PAEP: variants seen among roughly 807,000 people sequenced by gnomAD.
PAEP encodes the protein glycodelin.
PAEP carries 28 observed loss-of-function variants against 23.0 expected under a neutral mutation model. The observed-to-expected ratio is 1.22, with a 90% CI of 0.90 to 1.67. The LOEUF (loss-of-function observed/expected upper bound fraction) is 1.67, where lower values mean the gene tolerates loss of function less well. PAEP is among the 40% of genes most tolerant of loss of function. The pLI is 0.00. For missense variants in PAEP, 209 were observed against 226.4 expected (o/e 0.92, Z 0.49); for synonymous variants, 103 against 92.4 (o/e 1.12, Z -0.66).
At position 135,564,911 on chromosome 9, in the gene PAEP, T is replaced by C. The variant is rs928249079; in HGVS notation, c.422-499T>C. On this transcript the variant is annotated intron_variant, in intron 4 of 6. Coordinates refer to ENST00000479141, the MANE Select transcript of PAEP (RefSeq NM_002571.4). ...CAAGGGGCTGGGCTTGGTGGATAGATTAATACTCACTGGGCGTCCAGTCAA... is the reference window on the plus strand; with the variant it reads ...CAAGGGGCTGGGCTTGGTGGATAGACTAATACTCACTGGGCGTCCAGTCAA... 3.3e-5 allele frequency: 32 copies of C among 979,608 alleles called. No individual in the cohort carries two copies. The Admixed American group carries it at 6.1e-4, about 19-fold the overall frequency. The allele number at this position is 979,608 out of a possible 1,614,324, so 60.7% of individuals were successfully genotyped here.
rs1007545533 is a variant in PAEP, at chr9:135,565,195, C to T, written c.422-215C>T. 4.1e-5 allele frequency: 24 copies of T among 580,456 alleles called. 1 individual carries two copies. The highest frequency in any genetic ancestry group is 2.1e-4 in the African/African-American group (11 of 53,354). The allele number at this position is 580,456 out of a possible 1,614,324, so 36.0% of individuals were successfully genotyped here. On this transcript the variant is annotated intron_variant, in intron 4 of 6. Transcript: ENST00000479141. The stretch of plus-strand genomic sequence containing the variant: ...CTGCCCAGAGCGGAGCAGAGGGGGC[C>T]GGGCCAAGGAGTGGGAGCTGGGGTC...
Position 135,562,329 on chromosome 9 carries a change from C to T in PAEP, c.132C>T (p.Thr44=), listed in dbSNP as rs1481061122. ...CCTGGCACTCCATGGCCATGGCGAC[C>T]AACAACATCTCCCTCATGGCGACAC... ...AGTWHSMAMA[T]NNISLMATLK... Residue 44 remains threonine, a synonymous_variant, in exon 2 of 7, where the codon ACC becomes ACT. Coordinates refer to ENST00000479141, the MANE Select transcript of PAEP (RefSeq NM_002571.4). 2 of 1,614,040 alleles carry T rather than the reference C, an allele frequency of 1.2e-6. No individual in the cohort carries two copies. The highest frequency in any genetic ancestry group is 1.1e-5 in the South Asian group (1 of 91,082).
chr9:135,564,538 C>T (rs1588174703), intron 4 of PAEP, 184 bp downstream of exon 4: 2 of 947,144 alleles, frequency 2.1e-6, no homozygotes, highest in East Asian at 1.2e-4. Flanking sequence ...GGGTCTCATT[C>T]TGTCACTCAG....
At chr9:135,563,444 A>G (rs1832423838) in intron 3 of PAEP, among the ~76,000 whole-genome samples, 1 of 142,510 alleles carries the variant, frequency 7.0e-6, no homozygotes, top group Admixed American at 6.9e-5. Flanking sequence ...GTAGGTGAAC[A>G]GGTGGGTGGG....
chr9:135,565,574 C>T lies in PAEP; in HGVS notation c.526+60C>T, dbSNP rs745995335. On this transcript the variant is annotated intron_variant, in intron 5 of 6. Coordinates refer to ENST00000479141, the MANE Select transcript of PAEP (RefSeq NM_002571.4). ...GGAGGAGAAGCTGCCTCTTTCTTAG[C>T]CCGAGCCCCCTGCTGGCTCTGCAGG... 17 of 1,502,672 alleles carry T rather than the reference C, an allele frequency of 1.1e-5. No homozygotes were observed. The Admixed American group carries it at 2.5e-4, about 22-fold the overall frequency. 93.1% of individuals were successfully genotyped at this position (1,502,672 alleles called of 1,614,324 possible).
chr9:135,564,180 C>T (rs1832466072), intron 3 of PAEP, 64 bp from the exon 4 acceptor site: 3 of 1,541,934 alleles, frequency 1.9e-6, no homozygotes, highest in African/African-American at 1.4e-5. Context: ...GTCCACACAC[C>T]TGCACAGGAC....
intron 4 of PAEP, 181 bp downstream of exon 4, chr9:135,564,535 A>G: frequency 1.0e-6 from 1 of 952,632 alleles, no homozygotes; most frequent in Non-Finnish European, 1.2e-6. Context: ...AAAGGGTCTC[A>G]TTCTGTCACT....
chr9:135,564,965 C>A, intron 4 of PAEP: 1 of 780,260 alleles, frequency 1.3e-6, no homozygotes, highest in Non-Finnish European at 1.6e-6. Context: ...ATGCTGTCAA[C>A]CAAACGAAGG....
At chr9:135,564,453 T>C in intron 4 of PAEP, 99 bp downstream of exon 4, 1 of 1,504,008 alleles carries the variant, frequency 6.6e-7, no homozygotes, top group Non-Finnish European at 8.9e-7. Flanking sequence ...CCTGTCCACC[T>C]CGGTGCCTGT....
chr9:135,564,211 A>C, intron 3 of PAEP, 33 bp from the exon 4 acceptor site: 1 of 1,551,346 alleles, frequency 6.4e-7, no homozygotes, highest in East Asian at 2.4e-5. Flanking sequence ...CGGAGGCTTC[A>C]TCTTCCTTTT....
chr9:135,563,538 G>A (rs1236586155), intron 3 of PAEP, among the ~76,000 whole-genome samples: 1 of 151,770 alleles, frequency 6.6e-6, no homozygotes, highest in Non-Finnish European at 1.5e-5. Context: ...GGGCAGGTGG[G>A]CAGGTGGGCA....
At position 135,562,341 on chromosome 9, in the gene PAEP, C is replaced by T. The variant is rs1479416060; in HGVS notation, c.144C>T (p.Ser48=). The change falls in exon 2 of 7, where the codon TCC becomes TCT. Residue 48 remains serine, a synonymous_variant. Transcript: ENST00000479141. ...TGGCCATGGCGACCAACAACATCTC[C>T]CTCATGGCGACACTGAAGGCCCCTC... is the stretch of plus-strand genomic sequence containing the variant. ...HSMAMATNNI[S]LMATLKAPLR... is the part of the protein sequence containing the mutation. The T allele has an allele frequency of 6.2e-7, 1 of 1,614,146 alleles. No homozygotes were observed. The highest frequency in any genetic ancestry group is 1.7e-5 in the Admixed American group (1 of 60,022).
chr9:135,564,585 C>T, intron 4 of PAEP: 1 of 733,012 alleles, frequency 1.4e-6, no homozygotes, highest in Non-Finnish European at 1.7e-6. Context: ...CTCACTGCAA[C>T]TTCTGCCTCC....
rs1382336489 is a variant in PAEP at position 135,562,770 on chromosome 9, A to C, written c.237-50A>C. 1.7e-5 allele frequency: 24 copies of C among 1,453,684 alleles called. No individual in the cohort carries two copies. In the East Asian group the frequency reaches 5.4e-4, roughly 33 times the overall value. 90.0% of individuals were successfully genotyped at this position (1,453,684 alleles called of 1,614,324 possible). ...GACCTGATTTTAGGAGTGACAGTGA[A>C]GGCAACTCCAATTCAAGTGGCCACT... is the stretch of plus-strand genomic sequence containing the variant. On this transcript the variant is annotated intron_variant, in intron 2 of 6. Transcript: ENST00000479141.
intron 1 of PAEP, 150 bp from the exon 2 acceptor site, chr9:135,562,144 C>T: frequency 1.1e-6 from 1 of 939,164 alleles, no homozygotes; most frequent in Non-Finnish European, 1.6e-6. Flanking sequence ...ATTTTAAGTA[C>T]AGGAAATTTC....
At chr9:135,565,991 C>T (rs954962038) in intron 6 of PAEP, among the ~76,000 whole-genome samples, 190 bp downstream of exon 6, 1 of 152,176 alleles carries the variant, frequency 6.6e-6, no homozygotes, top group Non-Finnish European at 1.5e-5. Flanking sequence ...ACGAGCCCAG[C>T]CTGTGTCTTG....
At position 135,561,819 on chromosome 9, in the gene PAEP, C is replaced by G. The variant is rs1301079898; in HGVS notation, c.18C>G (p.Leu6=). MLCLL[L]TLGVALVCGV... The stretch of plus-strand genomic sequence containing the variant: ...CCGCAGCCATGCTGTGCCTCCTGCT[C>G]ACCCTGGGCGTGGCCCTGGTCTGTG... Residue 6 remains leucine (L), a synonymous_variant, in exon 1 of 7, where the codon CTC becomes CTG. Transcript: ENST00000479141. 6.4e-7 allele frequency: 1 copy of G among 1,555,124 alleles called. No homozygotes were observed. The highest frequency in any genetic ancestry group is 1.2e-5 in the South Asian group (1 of 84,326).
intron 4 of PAEP, among the ~76,000 whole-genome samples, chr9:135,565,025 G>A (rs1233845631): frequency 1.3e-5 from 2 of 152,172 alleles, no homozygotes; most frequent in African/African-American, 4.8e-5. Context: ...CCATGTTTCT[G>A]AGCACAGTGT....
At chr9:135,562,966 C>T in intron 3 of PAEP, 73 bp downstream of exon 3, 1 of 1,209,308 alleles carries the variant, frequency 8.3e-7, no homozygotes, top group Non-Finnish European at 1.2e-6. Context: ...GGCGGCTCTG[C>T]TGGGGCATGA....
Sources: allele counts gnomAD v4.1 joint callset (sites outside exome capture counted in the v4.1 genomes callset), GRCh38; gene constraint gnomAD v4.1.1; transcripts MANE v1.5; gene names NCBI Gene and HGNC (gene_info 2026-07-23, HGNC 2026-07-21).